Variants in TDP1 observed in about 807,000 individuals in gnomAD.
TDP1 encodes tyrosyl-DNA phosphodiesterase 1, also known as tyr-DNA phosphodiesterase 1.
TDP1 carries 64 observed loss-of-function variants against 81.5 expected under a neutral mutation model. That is an observed-to-expected ratio of 0.79 (90% CI 0.64 to 0.97). TDP1 has a LOEUF of 0.97. TDP1 is among the 50% of genes least tolerant of loss of function. TDP1 has a pLI of 0.00. For missense variants in TDP1, 723 were observed against 743.8 expected, an observed-to-expected ratio of 0.97 and a Z score of 0.33; for synonymous variants, 256 against 264.3, an observed-to-expected ratio of 0.97 and a Z score of 0.30.
At chr14:89,977,964 C>G (rs1258866936) in intron 7 of TDP1, among the ~76,000 whole-genome samples, 1 of 152,186 alleles carries the variant, frequency 6.6e-6, no homozygotes, top group Non-Finnish European at 1.5e-5. Context: ...ATTCTTATGG[C>G]TCCAAGAATC....
At chr14:90,042,934 A>G (rs1888504887) in intron 16 of TDP1, 136 bp from the exon 17 acceptor site, 3 of 1,543,882 alleles carry the variant, frequency 1.9e-6, no homozygotes, top group Admixed American at 1.9e-5. Context: ...AAGGGGGAGA[A>G]TCTTCTGGGC....
At chr14:89,958,133 C>A (rs1050746951) in intron 2 of TDP1, among the ~76,000 whole-genome samples, 1 of 152,128 alleles carries the variant, frequency 6.6e-6, no homozygotes, top group Non-Finnish European at 1.5e-5. Context: ...GGTGTCCAGA[C>A]GAGGGGGATG....
In TDP1 at chr14:89,971,277, C is replaced by T; in HGVS notation, c.756+6C>T. On this transcript the variant is annotated splice_donor_region_variant and intron_variant, in intron 6 of 16. Coordinates refer to ENST00000335725, the MANE Select transcript of TDP1 (RefSeq NM_018319.4). The stretch of plus-strand genomic sequence containing the variant: ...AGAACATCTCTCTCTGCCAGGTAAG[C>T]CACTTACTGCCGTTGGAGAGCACGC... 2 of 1,610,596 alleles carry T rather than the reference C, an allele frequency of 1.2e-6. No individual in the cohort carries two copies. Among genetic ancestry groups the T allele is most frequent in the Non-Finnish European group, 1.7e-6 (2 of 1,176,806 alleles).
intron 14 of TDP1, among the ~76,000 whole-genome samples, chr14:89,994,705 G>A (rs928509340): frequency 6.6e-6 from 1 of 152,224 alleles, no homozygotes; most frequent in African/African-American, 2.4e-5. Context: ...CATAGTGGAA[G>A]CACTGTTAGA....
intron 16 of TDP1, among the ~76,000 whole-genome samples, chr14:90,033,870 C>G (rs1053835498): frequency 1.8e-4 from 28 of 152,136 alleles, no homozygotes. Flanking sequence ...CCAAGGCCAC[C>G]TTGCCCAACA....
At chr14:90,036,649 G>A (rs762228359) in intron 16 of TDP1, among the ~76,000 whole-genome samples, 48 of 152,248 alleles carry the variant, frequency 3.2e-4, no homozygotes, top group Middle Eastern at 3.4e-3. Context: ...TATATTGAGA[G>A]CCTATTGTGT....
chr14:90,043,151 G>A lies in TDP1; in HGVS notation c.*8G>A, dbSNP rs1223115179. On this transcript the variant is annotated 3_prime_UTR_variant, in exon 17 of 17. Coordinates refer to ENST00000335725, the MANE Select transcript of TDP1 (RefSeq NM_018319.4). ...ATGTGGGTGCCCTCCTGAGAATCTT[G>A]AGGCACTGTGAAATTTAAGTGTAAG... The A allele has an allele frequency of 1.2e-6, 2 of 1,614,162 alleles. No individual in the cohort carries two copies. Among genetic ancestry groups the A allele is most frequent in the Non-Finnish European group, 1.7e-6 (2 of 1,180,034 alleles).
At chr14:89,962,885 GGAA>G (rs1335981179) in intron 2 of TDP1, 2 of 980,940 alleles carry the variant, frequency 2.0e-6, no homozygotes, top group Non-Finnish European at 2.4e-6. Context: ...AAAAAAAAAA[GGAA>G]GAAAAAAGAA....
chr14:89,982,514 T>C (rs2140083479), intron 8 of TDP1, among the ~76,000 whole-genome samples: 1 of 152,304 alleles, frequency 6.6e-6, no homozygotes, highest in Admixed American at 6.5e-5. Flanking sequence ...CTCACGTGGT[T>C]CCAAGAATCC....
At chr14:89,966,124 T>G in intron 3 of TDP1, 23 bp from the exon 4 acceptor site, 2 of 1,541,872 alleles carry the variant, frequency 1.3e-6, no homozygotes, top group Non-Finnish European at 9.0e-7. Context: ...AGTGTGAATT[T>G]GATATATGTT....
rs1895258894 is a variant in TDP1, at chr14:89,983,763, T to C, written c.885-753T>C. Among the ~76,000 whole-genome samples, 3 of 152,318 alleles carry C rather than the reference T, an allele frequency of 2.0e-5. No homozygotes were observed. The South Asian group carries it at 6.2e-4, about 32-fold the overall frequency. ...TTTATAGAAGGATTGGGATTAGATATGATTGTTTTCTATTTATGGATATAA... is the reference window on the plus strand; with the variant it reads ...TTTATAGAAGGATTGGGATTAGATACGATTGTTTTCTATTTATGGATATAA... On this transcript the variant is annotated intron_variant, in intron 8 of 16. Coordinates refer to ENST00000335725, the MANE Select transcript of TDP1 (RefSeq NM_018319.4).
intron 5 of TDP1, among the ~76,000 whole-genome samples, chr14:89,968,330 C>T (rs1893192117): frequency 6.6e-6 from 1 of 152,152 alleles, no homozygotes; most frequent in Admixed American, 6.5e-5. Flanking sequence ...GAGACTTATC[C>T]ACCTACCCTT....
chr14:90,030,660 C>T (rs1887171236), intron 15 of TDP1, among the ~76,000 whole-genome samples: 1 of 152,160 alleles, frequency 6.6e-6, no homozygotes, highest in Non-Finnish European at 1.5e-5. Context: ...ACTTTAGTTC[C>T]ATTTCTACAG....
At chr14:90,001,051 G>A (rs1029475525) in intron 14 of TDP1, among the ~76,000 whole-genome samples, 1 of 152,112 alleles carries the variant, frequency 6.6e-6, no homozygotes, top group Non-Finnish European at 1.5e-5. Context: ...AATGTATTTC[G>A]TATGGTTCCT....
intron 1 of TDP1, 195 bp from the exon 2 acceptor site, chr14:89,956,383 T>TA (rs1355096208): frequency 2.6e-5 from 4 of 152,228 alleles, no homozygotes; most frequent in Admixed American, 6.5e-5. Flanking sequence ...CGGTACGTAG[T>TA]ATAGAGTTGT....
intron 6 of TDP1, among the ~76,000 whole-genome samples, chr14:89,974,038 C>T (rs555014703): frequency 1.3e-5 from 2 of 152,252 alleles, no homozygotes; most frequent in African/African-American, 4.8e-5. Flanking sequence ...CATAAAGTCC[C>T]TCTCTGCAAA....
intron 4 of TDP1, 44 bp from the exon 5 acceptor site, chr14:89,967,323 C>T (rs1246696334): frequency 1.3e-6 from 2 of 1,578,450 alleles, no homozygotes; most frequent in Non-Finnish European, 1.7e-6. Context: ...AACTGTTTGG[C>T]AGAATTACCT....
chr14:89,984,389 C>G, intron 8 of TDP1, 127 bp from the exon 9 acceptor site: 1 of 1,577,302 alleles, frequency 6.3e-7, no homozygotes, highest in Admixed American at 1.8e-5. Context: ...TTCATGTTTC[C>G]TAAGATTACT....
intron 14 of TDP1, among the ~76,000 whole-genome samples, chr14:90,016,927 T>C (rs75526204): frequency 6.6e-6 from 1 of 152,032 alleles, no homozygotes. Context: ...CCCTCTTTAG[T>C]GATGAAGCAT....
Sources: allele counts gnomAD v4.1 joint callset (sites outside exome capture counted in the v4.1 genomes callset), GRCh38; gene constraint gnomAD v4.1.1; transcripts MANE v1.5; gene names NCBI Gene and HGNC (gene_info 2026-07-23, HGNC 2026-07-21).